ARHGAP42: variants seen among roughly 807,000 people sequenced by gnomAD.
The protein encoded by ARHGAP42 is Rho GTPase activating protein 42, also known as rho GTPase-activating protein 42.
ARHGAP42 carries 63 observed loss-of-function variants against 125.0 expected under a neutral mutation model. The ratio of observed to expected loss-of-function variants is 0.50; its 90% confidence interval spans 0.41 to 0.62. The LOEUF (loss-of-function observed/expected upper bound fraction) is 0.62. Ranked by LOEUF, ARHGAP42 falls within the 20% of genes least tolerant of loss-of-function variation. ARHGAP42 has a pLI of 0.00. For synonymous variants in ARHGAP42, 339 were observed against 351.0 expected (o/e 0.97, Z 0.38); for missense variants, 766 against 1,024.2 (o/e 0.75, Z 3.44).
At chr11:100,756,700 A>G (rs994485035) in intron 1 of ARHGAP42, among the ~76,000 whole-genome samples, 1 of 152,226 alleles carries the variant, frequency 6.6e-6, no homozygotes, top group Non-Finnish European at 1.5e-5. Flanking sequence ...CATGTCTTCC[A>G]AAGTTTGGAA....
At chr11:100,789,893 G>A (rs1455966174) in intron 2 of ARHGAP42, among the ~76,000 whole-genome samples, 1 of 152,110 alleles carries the variant, frequency 6.6e-6, no homozygotes, top group African/African-American at 2.4e-5. Flanking sequence ...AAGACTTCTG[G>A]AAGAAATTTT....
chr11:100,771,135 A>T (rs1210853571), intron 2 of ARHGAP42, among the ~76,000 whole-genome samples: 1 of 152,124 alleles, frequency 6.6e-6, no homozygotes, highest in African/African-American at 2.4e-5. Context: ...ATCAGCTATG[A>T]TTCCCTAAAC....
intron 1 of ARHGAP42, among the ~76,000 whole-genome samples, chr11:100,688,991 G>C (rs1282846666): frequency 6.6e-6 from 1 of 152,158 alleles, no homozygotes. Context: ...GACAATACTA[G>C]TATCGGATCT....
intron 4 of ARHGAP42, among the ~76,000 whole-genome samples, chr11:100,904,306 T>C (rs1481714299): frequency 1.3e-5 from 2 of 151,372 alleles, no homozygotes; most frequent in Non-Finnish European, 2.9e-5. Flanking sequence ...TACAGTGGTG[T>C]GATCTCTGCT....
intron 4 of ARHGAP42, among the ~76,000 whole-genome samples, chr11:100,874,337 C>A (rs1865762385): frequency 6.6e-6 from 1 of 152,186 alleles, no homozygotes; most frequent in Non-Finnish European, 1.5e-5. Context: ...CCCAGGACTG[C>A]TACACTGGTA....
rs570209738 is a variant in ARHGAP42 at position 100,930,737 on chromosome 11, T to C, written c.598-2419T>C. 2.0e-5 allele frequency among the ~76,000 whole-genome samples: 3 copies of C among 152,284 alleles called. No homozygotes were observed. In the South Asian group the frequency reaches 6.2e-4, roughly 32 times the overall value. On this transcript the variant is annotated intron_variant, in intron 6 of 23. Transcript: ENST00000298815. The stretch of plus-strand genomic sequence containing the variant: ...AGCAGAGTTTAGTGGGAAATATTGG[T>C]TTACCAAAATCTGTGTCAAAATACG...
At chr11:100,882,719 T>A (rs1865991581) in intron 4 of ARHGAP42, among the ~76,000 whole-genome samples, 1 of 152,100 alleles carries the variant, frequency 6.6e-6, no homozygotes, top group South Asian at 2.1e-4. Flanking sequence ...TGTGAATCTG[T>A]CTGGTCCTGG....
chr11:100,988,634 T>TG (rs1858750712), intron 23 of ARHGAP42, 79 bp from the exon 24 acceptor site: 1 of 1,163,792 alleles, frequency 8.6e-7, no homozygotes, highest in East Asian at 2.6e-5. Context: ...CAATCCGATG[T>TG]GGGTGTTTAA....
In ARHGAP42 at chr11:100,753,643, C is replaced by G. The variant is rs184966136; in HGVS notation, c.155-16700C>G. Among the ~76,000 whole-genome samples, 103 of 152,352 alleles carry G rather than the reference C, an allele frequency of 6.8e-4. 1 individual carries two copies. Among genetic ancestry groups the G allele is most frequent in the South Asian group, 2.1e-3 (10 of 4,828 alleles). On this transcript the variant is annotated intron_variant, in intron 1 of 23. Coordinates refer to ENST00000298815, the MANE Select transcript of ARHGAP42 (RefSeq NM_152432.4). Reference sequence around the variant, plus strand: ...TGTGAGGTCCCCTGTCAGTTAGAATCAGGAATGGTTTCCCTCCGCCTGTGC... The same window carrying G: ...TGTGAGGTCCCCTGTCAGTTAGAATGAGGAATGGTTTCCCTCCGCCTGTGC...
At chr11:100,905,853 CTG>C (rs1866719660) in intron 4 of ARHGAP42, among the ~76,000 whole-genome samples, 2 of 152,148 alleles carry the variant, frequency 1.3e-5, no homozygotes, top group African/African-American at 2.4e-5. Context: ...TGGCGCATGA[CTG>C]TGTTTCCAGC....
intron 1 of ARHGAP42, among the ~76,000 whole-genome samples, chr11:100,748,071 G>T (rs11824393): frequency 0.26 from 39,746 of 151,608 alleles, 5,358 homozygotes; most frequent in Middle Eastern, 0.28. Flanking sequence ...AAGGCCACAG[G>T]ATTAGAAGTT....
chr11:100,932,258 T>A (rs1421444025), intron 6 of ARHGAP42, among the ~76,000 whole-genome samples: 3 of 152,164 alleles, frequency 2.0e-5, no homozygotes, highest in Admixed American at 1.3e-4. Context: ...TCAAATTGTG[T>A]TTCTTCCTTA....
At chr11:100,782,619 C>T (rs375289551) in intron 2 of ARHGAP42, among the ~76,000 whole-genome samples, 8 of 151,488 alleles carry the variant, frequency 5.3e-5, no homozygotes, top group South Asian at 4.2e-4. Flanking sequence ...AGGCCTAAGA[C>T]GTAAAAGAAA....
At chr11:100,748,412 T>C (rs945081487) in intron 1 of ARHGAP42, among the ~76,000 whole-genome samples, 4 of 151,552 alleles carry the variant, frequency 2.6e-5, no homozygotes, top group African/African-American at 9.8e-5. Context: ...GTAGGTCTGG[T>C]TGGACCTTTG....
At chr11:100,931,643 A>G (rs1441580457) in intron 6 of ARHGAP42, among the ~76,000 whole-genome samples, 2 of 152,214 alleles carry the variant, frequency 1.3e-5, no homozygotes, top group African/African-American at 4.8e-5. Context: ...ATGGTAAAAC[A>G]TGAAACAATA....
intron 6 of ARHGAP42, among the ~76,000 whole-genome samples, chr11:100,925,895 G>A (rs1176147011): frequency 2.0e-5 from 3 of 151,872 alleles, no homozygotes; most frequent in Non-Finnish European, 4.4e-5. Flanking sequence ...AGAGATCAGG[G>A]AGGGAGAAAC....
At chr11:100,781,933 ATT>A (rs5794067) in intron 2 of ARHGAP42, among the ~76,000 whole-genome samples, 2 of 144,286 alleles carry the variant, frequency 1.4e-5, no homozygotes, top group Non-Finnish European at 1.5e-5. Flanking sequence ...CCACCACGAG[ATT>A]TTTTTTTTTT....
At chr11:100,796,504 A>T (rs1863719603) in intron 3 of ARHGAP42, among the ~76,000 whole-genome samples, 1 of 152,234 alleles carries the variant, frequency 6.6e-6, no homozygotes, top group Non-Finnish European at 1.5e-5. Context: ...AACTGATTTA[A>T]GTTTAGTGAA....
intron 2 of ARHGAP42, among the ~76,000 whole-genome samples, chr11:100,789,402 G>A (rs1339882188): frequency 2.0e-5 from 3 of 152,218 alleles, no homozygotes; most frequent in African/African-American, 4.8e-5. Context: ...CGAGGGGAGT[G>A]GGTGGATGAG....
Sources: gnomAD v4.1 joint callset for allele counts (sites outside exome capture counted in the v4.1 genomes callset) on GRCh38, gnomAD v4.1.1 for gene constraint, MANE v1.5 for transcripts, NCBI Gene and HGNC (gene_info 2026-07-23, HGNC 2026-07-21) for gene names.